Variants in TANC1 observed in about 807,000 individuals in gnomAD.
The protein encoded by TANC1 is tetratricopeptide repeat, ankyrin repeat and coiled-coil containing 1.
In TANC1, 77 loss-of-function variants were observed where a neutral mutation model predicts 149.7. The ratio of observed to expected loss-of-function variants is 0.51; its 90% confidence interval spans 0.43 to 0.62. The LOEUF (loss-of-function observed/expected upper bound fraction) is 0.62, where lower values mean the gene tolerates loss of function less well. Ranked by LOEUF, TANC1 falls within the 20% of genes least tolerant of loss-of-function variation. TANC1 has a pLI of 0.00. For missense variants in TANC1, 1,985 were observed against 2,321.8 expected (o/e 0.85, Z 2.98); for synonymous variants, 854 against 925.0 (o/e 0.92, Z 1.39).
chr2:159,220,490 G>A (rs1207009428), intron 22 of TANC1, among the ~76,000 whole-genome samples: 3 of 151,474 alleles, frequency 2.0e-5, no homozygotes, highest in Admixed American at 2.0e-4. Flanking sequence ...TTTTAGTAGA[G>A]ACAGGGTTTC....
chr2:159,000,682 C>T (rs1668061065), intron 1 of TANC1, among the ~76,000 whole-genome samples: 1 of 151,820 alleles, frequency 6.6e-6, no homozygotes, highest in South Asian at 2.1e-4. Context: ...AGGGGACATA[C>T]TCAAGGGACA....
At chr2:159,101,444 G>C (rs561826506) in intron 4 of TANC1, among the ~76,000 whole-genome samples, 5 of 152,096 alleles carry the variant, frequency 3.3e-5, no homozygotes, top group East Asian at 3.9e-4. Context: ...TTACATGATT[G>C]AGTTTCTTAC....
At chr2:158,984,131 G>A (rs951260527) in intron 1 of TANC1, among the ~76,000 whole-genome samples, 1 of 152,154 alleles carries the variant, frequency 6.6e-6, no homozygotes, top group African/African-American at 2.4e-5. Flanking sequence ...CAAGTCAAGT[G>A]GTACTTGAGC....
At position 159,035,317 on chromosome 2, in the gene TANC1, GAA is replaced by G. The variant is rs145615518; in HGVS notation, c.-15-30575_-15-30574del. Among the ~76,000 whole-genome samples, 68 of 152,164 alleles carry G rather than the reference GAA, an allele frequency of 4.5e-4. No individual in the cohort carries two copies. In the East Asian group the frequency reaches 0.01, roughly 23 times the overall value. On this transcript the variant is annotated intron_variant, in intron 2 of 26. Coordinates refer to ENST00000263635, the MANE Select transcript of TANC1 (RefSeq NM_033394.3). ...CTAACCTCCTGTGTTTTAGGTTTCA[GAA>G]AAATTCCCACAATAAGTATATTTTG...
chr2:159,097,858 C>T, intron 4 of TANC1, 24 bp downstream of exon 4: 1 of 1,603,002 alleles, frequency 6.2e-7, no homozygotes, highest in Non-Finnish European at 8.5e-7. Context: ...GAAGGAGCTG[C>T]CTTGGTTATA....
At chr2:159,154,404 T>C (rs970872111) in intron 7 of TANC1, among the ~76,000 whole-genome samples, 1 of 152,182 alleles carries the variant, frequency 6.6e-6, no homozygotes, top group Non-Finnish European at 1.5e-5. Flanking sequence ...GAAAGAAATA[T>C]AAAGTATGTG....
chr2:159,116,924 G>A (rs1446161066), intron 4 of TANC1, among the ~76,000 whole-genome samples: 1 of 152,130 alleles, frequency 6.6e-6, no homozygotes, highest in African/African-American at 2.4e-5. Flanking sequence ...TAACCAGTTG[G>A]GATTTGAACT....
chr2:159,005,184 C>A (rs2037037331), intron 2 of TANC1, among the ~76,000 whole-genome samples: 1 of 152,206 alleles, frequency 6.6e-6, no homozygotes, highest in African/African-American at 2.4e-5. Context: ...ATGGCCATCA[C>A]ACACGTTACA....
intron 19 of TANC1, among the ~76,000 whole-genome samples, chr2:159,206,329 G>T (rs1328610914): frequency 6.6e-6 from 1 of 152,178 alleles, no homozygotes; most frequent in Non-Finnish European, 1.5e-5. Flanking sequence ...AGGGGGCTGG[G>T]TTTGTCCATA....
chr2:158,990,732 T>C (rs1045530388), intron 1 of TANC1, among the ~76,000 whole-genome samples: 22 of 151,990 alleles, frequency 1.4e-4, no homozygotes, highest in Non-Finnish European at 1.5e-4. Flanking sequence ...CTAGAGAGCC[T>C]GGTGAGTGTG....
intron 4 of TANC1, among the ~76,000 whole-genome samples, chr2:159,117,123 A>G (rs2048342803): frequency 6.6e-6 from 1 of 152,204 alleles, no homozygotes; most frequent in Non-Finnish European, 1.5e-5. Flanking sequence ...CTGAGGGTGA[A>G]AGGACTGTCA....
intron 18 of TANC1, among the ~76,000 whole-genome samples, chr2:159,197,749 AC>A (rs1472095070): frequency 6.6e-6 from 1 of 152,090 alleles, no homozygotes; most frequent in Non-Finnish European, 1.5e-5. Context: ...ATCCATGCTA[AC>A]CCCCTTGTTT....
chr2:159,172,035 T>C, intron 10 of TANC1, 86 bp from the exon 11 acceptor site: 1 of 1,344,994 alleles, frequency 7.4e-7, no homozygotes, highest in South Asian at 1.3e-5. Flanking sequence ...TATTAAAATA[T>C]GCCCTGGCAC....
rs10183669 is a variant in TANC1 at position 159,134,637 on chromosome 2, C to T, written c.260-1557C>T. Among the ~76,000 whole-genome samples, 590 of 152,274 alleles carry T rather than the reference C, an allele frequency of 3.9e-3. 1 individual carries two copies. The highest frequency in any genetic ancestry group is 0.014 in the African/African-American group (573 of 41,554). On this transcript the variant is annotated intron_variant, in intron 4 of 26. Coordinates refer to ENST00000263635, the MANE Select transcript of TANC1 (RefSeq NM_033394.3). ...AGCTGGGATTACAGGCGCCCACTAC[C>T]GCGCCTGGCTAATTTTTGTATTTTT... is the stretch of plus-strand genomic sequence containing the variant.
At chr2:158,969,511 G>C (rs1278480147) in intron 1 of TANC1, among the ~76,000 whole-genome samples, 2 of 152,228 alleles carry the variant, frequency 1.3e-5, no homozygotes, top group Admixed American at 1.3e-4. Context: ...CCTTGTTCTT[G>C]GATGCAGAGT....
chr2:159,122,013 C>G (rs1264993811), intron 4 of TANC1, among the ~76,000 whole-genome samples: 3 of 152,206 alleles, frequency 2.0e-5, no homozygotes, highest in East Asian at 3.8e-4. Flanking sequence ...TCACGGCTCA[C>G]TGCAGCCTTA....
At chr2:158,981,296 G>GA (rs990286222) in intron 1 of TANC1, among the ~76,000 whole-genome samples, 14 of 146,662 alleles carry the variant, frequency 9.5e-5, no homozygotes, top group African/African-American at 2.2e-4. Context: ...TATTGAAAGT[G>GA]AAAAAAAAAT....
At chr2:159,147,784 C>A (rs1034904324) in intron 5 of TANC1, 1 of 152,330 alleles carries the variant, frequency 6.6e-6, no homozygotes, top group East Asian at 1.9e-4. Context: ...TCTTCCTACT[C>A]CAAACATTAG....
At chr2:159,200,613 C>T (rs1474694273) in intron 19 of TANC1, among the ~76,000 whole-genome samples, 1 of 152,196 alleles carries the variant, frequency 6.6e-6, no homozygotes, top group Non-Finnish European at 1.5e-5. Context: ...CATTATCATC[C>T]TGCTTGAGAA....
Sources: allele counts gnomAD v4.1 joint callset (sites outside exome capture counted in the v4.1 genomes callset), GRCh38; gene constraint gnomAD v4.1.1; transcripts MANE v1.5; gene names NCBI Gene and HGNC (gene_info 2026-07-23, HGNC 2026-07-21).